Variants in U2SURP observed in about 807,000 individuals in gnomAD.
The protein encoded by U2SURP is U2 snRNP associated SURP domain containing.
In U2SURP, 9 loss-of-function variants were observed where a neutral mutation model predicts 144.9. The ratio of observed to expected loss-of-function variants is 0.06; its 90% CI spans 0.04 to 0.11. The LOEUF (loss-of-function observed/expected upper bound fraction) is 0.11, where lower values mean the gene tolerates loss of function less well. U2SURP is among the 10% of genes least tolerant of loss of function. U2SURP has a pLI of 1.00. For missense variants in U2SURP, 724 were observed against 1,226.7 expected (o/e 0.59, Z 6.12); for synonymous variants, 408 against 396.8 (o/e 1.03, Z -0.33).
chr3:143,009,206 A>T (rs1935994967), intron 1 of U2SURP, among the ~76,000 whole-genome samples: 1 of 152,208 alleles, frequency 6.6e-6, no homozygotes, highest in Admixed American at 6.5e-5. Context: ...AATACTAAAA[A>T]TTTTCTTTTA....
rs1175188521 is a variant in U2SURP at position 143,060,415 on chromosome 3, G to C, written c.*3965G>C. 1 of 151,940 alleles carries C rather than the reference G, an allele frequency of 6.6e-6. No homozygotes were observed. Among genetic ancestry groups the C allele is most frequent in the Non-Finnish European group, 1.5e-5 (1 of 67,856 alleles). The allele number at this position is 151,940 out of a possible 1,614,324, so 9.4% of individuals were successfully genotyped here. A position where few individuals can be genotyped will look rare whatever the true frequency, so the allele number is the denominator to read the frequency against. ...TAAGGATTAGATTTATTGTTGAGCT[G>C]CTTTCCAGATCAGACTGTCACTTTA... On this transcript the variant is annotated 3_prime_UTR_variant, in exon 28 of 28. Coordinates refer to ENST00000473835, the MANE Select transcript of U2SURP (RefSeq NM_001080415.2).
At chr3:143,013,651 A>G (rs192155815) in intron 3 of U2SURP, among the ~76,000 whole-genome samples, 1,986 of 152,200 alleles carry the variant, frequency 0.013, 35 homozygotes, top group Non-Finnish European at 0.015. Context: ...TATTCAGGCT[A>G]TATTTCAGAA....
At chr3:143,009,769 A>G (rs1012477019) in intron 1 of U2SURP, among the ~76,000 whole-genome samples, 2 of 152,140 alleles carry the variant, frequency 1.3e-5, no homozygotes, top group African/African-American at 4.8e-5. Context: ...TTATGTCTGG[A>G]CAATGTAAAT....
intron 13 of U2SURP, chr3:143,025,873 C>G (rs1343215861): frequency 1.3e-5 from 2 of 151,890 alleles, no homozygotes; most frequent in East Asian, 3.9e-4. Context: ...ATTATAGTCA[C>G]CTTGAGATAG....
At chr3:143,052,614 A>G (rs1934944820) in intron 25 of U2SURP, among the ~76,000 whole-genome samples, 1 of 152,220 alleles carries the variant, frequency 6.6e-6, no homozygotes, top group African/African-American at 2.4e-5. Flanking sequence ...GGTATTTTGT[A>G]GGGTGGCTTT....
At chr3:143,011,378 T>C (rs533131477) in intron 2 of U2SURP, among the ~76,000 whole-genome samples, 1 of 152,174 alleles carries the variant, frequency 6.6e-6, no homozygotes, top group Non-Finnish European at 1.5e-5. Context: ...ATATATGTTA[T>C]TACAGCAGTG....
intron 1 of U2SURP, among the ~76,000 whole-genome samples, chr3:143,007,710 T>C (rs556697394): frequency 9.9e-5 from 15 of 152,280 alleles, no homozygotes; most frequent in African/African-American, 3.1e-4. Context: ...CCCAAAGTGC[T>C]GAGATTACAG....
In U2SURP at chr3:143,060,228, C is replaced by A. The variant is rs1424478980; in HGVS notation, c.*3778C>A. 3.3e-5 allele frequency: 5 copies of A among 152,426 alleles called. No homozygotes were observed. The highest frequency in any genetic ancestry group is 5.9e-5 in the Non-Finnish European group (4 of 67,892). The allele number at this position is 152,426 out of a possible 1,614,324, so 9.4% of individuals were successfully genotyped here. On this transcript the variant is annotated 3_prime_UTR_variant, in exon 28 of 28. Transcript: ENST00000473835. ...GTATTTGTGTTTTATTCTTTTACTTCAACGGGTTCTTGTCTGTTACATCTC... is the reference window on the plus strand; with the variant it reads ...GTATTTGTGTTTTATTCTTTTACTTAAACGGGTTCTTGTCTGTTACATCTC...
intron 4 of U2SURP, among the ~76,000 whole-genome samples, chr3:143,015,256 T>G (rs1936308826): frequency 6.6e-6 from 1 of 152,138 alleles, no homozygotes; most frequent in Non-Finnish European, 1.5e-5. Context: ...CTGTGAACTG[T>G]CTGCTCATAT....
intron 25 of U2SURP, among the ~76,000 whole-genome samples, chr3:143,052,118 T>G (rs1032729870): frequency 2.6e-5 from 4 of 152,140 alleles, no homozygotes; most frequent in Admixed American, 2.0e-4. Flanking sequence ...TGGGCGCAGT[T>G]GCTCACGCCT....
At chr3:143,046,266 C>CT (rs1256140654) in intron 24 of U2SURP, among the ~76,000 whole-genome samples, 2,094 of 67,192 alleles carry the variant, frequency 0.031, 47 homozygotes, top group East Asian at 0.074. Context: ...GAAGCCAGTT[C>CT]TTTTTTTTTT....
chr3:143,007,241 C>T (rs1935881354), intron 1 of U2SURP, among the ~76,000 whole-genome samples: 1 of 151,888 alleles, frequency 6.6e-6, no homozygotes, highest in Admixed American at 6.6e-5. Context: ...TCAAACTTCC[C>T]TTAGTCTGCC....
chr3:143,053,270 T>C (rs1197043821), intron 25 of U2SURP, among the ~76,000 whole-genome samples: 1 of 152,190 alleles, frequency 6.6e-6, no homozygotes, highest in East Asian at 1.9e-4. Flanking sequence ...ACTCTAGAGC[T>C]TGGTCTCAAA....
At position 143,059,059 on chromosome 3, in the gene U2SURP, CAA is replaced by C. The variant is rs1935272102; in HGVS notation, c.*2611_*2612del. On this transcript the variant is annotated 3_prime_UTR_variant, in exon 28 of 28. Coordinates refer to ENST00000473835, the MANE Select transcript of U2SURP (RefSeq NM_001080415.2). ...AAGTAAGTCTTGATCTGTTTCTTAC[CAA>C]AGAGAGACAGACCTATGATGGAAAA... is the stretch of plus-strand genomic sequence containing the variant. 6.6e-6 allele frequency: 1 copy of C among 152,184 alleles called. No individual in the cohort carries two copies. Among genetic ancestry groups the C allele is most frequent in the Non-Finnish European group, 1.5e-5 (1 of 67,808 alleles). The allele number at this position is 152,184 out of a possible 1,614,324, so 9.4% of individuals were successfully genotyped here.
intron 1 of U2SURP, among the ~76,000 whole-genome samples, chr3:143,008,941 G>A (rs1258637413): frequency 1.3e-5 from 2 of 152,084 alleles, no homozygotes; most frequent in Non-Finnish European, 2.9e-5. Flanking sequence ...TAGAGATGGG[G>A]TTTCACCAGG....
intron 23 of U2SURP, among the ~76,000 whole-genome samples, chr3:143,041,887 A>T (rs1934129506): frequency 6.6e-6 from 1 of 151,908 alleles, no homozygotes; most frequent in Non-Finnish European, 1.5e-5. Context: ...TTTGTAAGGA[A>T]TTTTGTTTGT....
chr3:143,041,991 C>CACAA (rs1934138876), intron 23 of U2SURP, among the ~76,000 whole-genome samples: 1 of 150,916 alleles, frequency 6.6e-6, no homozygotes, highest in African/African-American at 2.5e-5. Context: ...CACACACACA[C>CACAA]AACCCAGTCT....
intron 24 of U2SURP, among the ~76,000 whole-genome samples, chr3:143,048,818 G>T (rs1934682348): frequency 6.6e-6 from 1 of 152,098 alleles, no homozygotes; most frequent in African/African-American, 2.4e-5. Flanking sequence ...GGCGGAGGTT[G>T]CAGTGTGCCA....
intron 23 of U2SURP, among the ~76,000 whole-genome samples, chr3:143,042,619 C>T (rs1387970071): frequency 1.3e-5 from 2 of 152,014 alleles, no homozygotes; most frequent in African/African-American, 2.4e-5. Context: ...CTTCCATGTC[C>T]CAGAAGTCCA....
Sources: gnomAD v4.1 joint callset for allele counts (sites outside exome capture counted in the v4.1 genomes callset) on GRCh38, gnomAD v4.1.1 for gene constraint, MANE v1.5 for transcripts, NCBI Gene and HGNC (gene_info 2026-07-23, HGNC 2026-07-21) for gene names.